Variants in DHRS7B observed in about 807,000 individuals in gnomAD.
DHRS7B encodes peroxisomal reductase activating PPAR-gamma.
DHRS7B carries 24 observed loss-of-function variants against 26.4 expected under a neutral mutation model. That is an observed-to-expected ratio of 0.91 (90% confidence interval 0.66 to 1.28). DHRS7B has a LOEUF of 1.28. Ranked by LOEUF, DHRS7B falls within the 50% of genes most tolerant of loss-of-function variation. The probability of loss-of-function intolerance (pLI) is 0.00; values close to 1 mark genes in which losing one functional copy is unlikely to be tolerated. For missense variants in DHRS7B, 368 were observed against 419.4 expected (o/e 0.88, Z 1.07); for synonymous variants, 142 against 166.4 (o/e 0.85, Z 1.13).
At chr17:21,155,069 A>G (rs1186816995) in intron 1 of DHRS7B, among the ~76,000 whole-genome samples, 3 of 152,224 alleles carry the variant, frequency 2.0e-5, no homozygotes, top group Non-Finnish European at 4.4e-5. Context: ...GAAGACAAAA[A>G]GAGGAGCAAA....
rs767684176 is a variant in DHRS7B, at chr17:21,188,873, G to A, written c.772+10G>A. On this transcript the variant is annotated intron_variant, in intron 6 of 6. Transcript: ENST00000395511. ...GGATCTAGGTATGGAGGTGAGGCCC[G>A]GTTTCTCTTTTCTCCTATGAAAATC... 1.4e-5 allele frequency: 23 copies of A among 1,613,988 alleles called. No individual in the cohort carries two copies. The East Asian group carries it at 2.7e-4, about 19-fold the overall frequency.
At position 21,140,022 on chromosome 17, in the gene DHRS7B, C is replaced by CTTTTTTTTTTTTTTT. The variant is rs201900387; in HGVS notation, c.20+13037_20+13051dup. Among the ~76,000 whole-genome samples the CTTTTTTTTTTTTTTT allele has an allele frequency of 2.1e-4, 22 of 106,692 alleles. 1 individual carries two copies. The highest frequency in any genetic ancestry group is 2.9e-4 in the Non-Finnish European group (16 of 54,608). The allele number at this position is 106,692 out of a possible 152,430, so 70.0% of individuals were successfully genotyped here. On this transcript the variant is annotated intron_variant, in intron 1 of 6. Transcript: ENST00000395511. ...TTTTTTCCTATCAGACTTTCAGATT[C>CTTTTTTTTTTTTTTT]TTTTTTTTTTTTTTTTTTTTGAGAC...
intron 1 of DHRS7B, among the ~76,000 whole-genome samples, chr17:21,142,334 T>C (rs768689721): frequency 2.6e-5 from 4 of 152,148 alleles, no homozygotes; most frequent in Non-Finnish European, 4.4e-5. Flanking sequence ...AGTTGCTAGG[T>C]CAGGGGTCGA....
intron 5 of DHRS7B, among the ~76,000 whole-genome samples, chr17:21,187,209 A>C (rs1399795060): frequency 6.6e-6 from 1 of 151,598 alleles, no homozygotes; most frequent in Non-Finnish European, 1.5e-5. Context: ...TCCCACCAGC[A>C]CTTTGGGAGG....
intron 3 of DHRS7B, 43 bp downstream of exon 3, chr17:21,178,385 G>A (rs368561645): frequency 4.2e-4 from 637 of 1,517,826 alleles, no homozygotes; most frequent in Non-Finnish European, 5.3e-4. Context: ...AGTGCAGGCC[G>A]TCTTCTGTAG....
intron 1 of DHRS7B, among the ~76,000 whole-genome samples, chr17:21,169,689 G>A (rs933089926): frequency 1.3e-4 from 20 of 152,310 alleles, no homozygotes; most frequent in African/African-American, 4.3e-4. Flanking sequence ...CCATGACCTC[G>A]GTGGCACTGT....
intron 1 of DHRS7B, among the ~76,000 whole-genome samples, chr17:21,152,562 A>G (rs758548625): frequency 6.6e-6 from 1 of 152,176 alleles, no homozygotes; most frequent in Non-Finnish European, 1.5e-5. Flanking sequence ...TTTTACCTCC[A>G]AGAGTTCTAC....
chr17:21,138,075 A>AAAAAAAATAT (rs1238830544), intron 1 of DHRS7B, among the ~76,000 whole-genome samples: 3 of 33,224 alleles, frequency 9.0e-5, no homozygotes, highest in African/African-American at 4.2e-4. Context: ...TTAAAAAAAA[A>AAAAAAAATAT]ATATATATAT....
At chr17:21,129,823 A>G (rs1973191635) in intron 1 of DHRS7B, among the ~76,000 whole-genome samples, 1 of 152,138 alleles carries the variant, frequency 6.6e-6, no homozygotes, top group South Asian at 2.1e-4. Context: ...ACTTATTTGT[A>G]TGCAGCTGAG....
At chr17:21,155,689 T>C (rs889035302) in intron 1 of DHRS7B, among the ~76,000 whole-genome samples, 4 of 152,172 alleles carry the variant, frequency 2.6e-5, no homozygotes, top group South Asian at 2.1e-4. Context: ...CCCAAGTGAA[T>C]GAAACATTCA....
In DHRS7B at chr17:21,188,760, C is replaced by T. The variant is rs1050975713; in HGVS notation, c.669C>T (p.Ala223=). 3.5e-5 allele frequency: 57 copies of T among 1,612,802 alleles called. No individual in the cohort carries two copies. Among genetic ancestry groups the T allele is most frequent in the Middle Eastern group, 1.6e-4 (1 of 6,076 alleles). ...AGGCTTTCTTTGACTGTCTGCGTGC[C>T]GAGATGGAACAGTATGAAATTGAGG... ...ATQAFFDCLR[A]EMEQYEIEVT... is the part of the protein sequence containing the mutation. Residue 223 remains alanine (A), a synonymous_variant, in exon 6 of 7, where the codon GCC becomes GCT. Transcript: ENST00000395511.
At chr17:21,130,732 T>C (rs1229038418) in intron 1 of DHRS7B, among the ~76,000 whole-genome samples, 1 of 152,142 alleles carries the variant, frequency 6.6e-6, no homozygotes, top group Non-Finnish European at 1.5e-5. Flanking sequence ...TACAGTACAG[T>C]AAAATGTTGG....
At chr17:21,151,588 C>G (rs1205682065) in intron 1 of DHRS7B, among the ~76,000 whole-genome samples, 1 of 151,708 alleles carries the variant, frequency 6.6e-6, no homozygotes, top group South Asian at 2.1e-4. Context: ...ATCAACTCTT[C>G]TTTGATACAT....
intron 2 of DHRS7B, among the ~76,000 whole-genome samples, chr17:21,174,268 G>C (rs368720068): frequency 6.6e-6 from 1 of 152,218 alleles, no homozygotes; most frequent in African/African-American, 2.4e-5. Flanking sequence ...TCAGTTTTCC[G>C]TGTTTCTCCT....
rs77188094 is a variant in DHRS7B, at chr17:21,143,582, A to C, written c.20+16591A>C. ...CAGCATTTTGTAATATATAAAAAGC[A>C]CCTGAAAGGAGCATAGTTCCTCTCT... On this transcript the variant is annotated intron_variant, in intron 1 of 6. Transcript: ENST00000395511. 2.2e-4 allele frequency among the ~76,000 whole-genome samples: 34 copies of C among 152,384 alleles called. 1 individual carries two copies. The East Asian group carries it at 6.5e-3, about 29-fold the overall frequency.
chr17:21,191,320 C>A lies in DHRS7B; in HGVS notation c.*167C>A. The A allele has an allele frequency of 1.5e-6, 1 of 673,868 alleles. No homozygotes were observed. Among genetic ancestry groups the A allele is most frequent in the Non-Finnish European group, 2.5e-6 (1 of 402,610 alleles). 41.7% of individuals were successfully genotyped at this position (673,868 alleles called of 1,614,324 possible). A position where few individuals can be genotyped will look rare whatever the true frequency, so the allele number is the denominator to read the frequency against. ...TCTGCTGGCAGAGGACAATCAAAAA[C>A]GACAACAAGCTTCTTCCCAGGGTGA... On this transcript the variant is annotated 3_prime_UTR_variant, in exon 7 of 7. Coordinates refer to ENST00000395511, the MANE Select transcript of DHRS7B (RefSeq NM_015510.5).
intron 4 of DHRS7B, 47 bp from the exon 5 acceptor site, chr17:21,184,324 A>G: frequency 2.6e-6 from 4 of 1,534,146 alleles, no homozygotes; most frequent in Non-Finnish European, 3.6e-6. Flanking sequence ...ATCGGGTGCA[A>G]TGACTGGAAG....
intron 1 of DHRS7B, among the ~76,000 whole-genome samples, chr17:21,137,709 G>A (rs1396488234): frequency 2.0e-5 from 3 of 151,694 alleles, no homozygotes; most frequent in Non-Finnish European, 2.9e-5. Context: ...CGACTGCCTC[G>A]GCCTCCCAAA....
intron 1 of DHRS7B, among the ~76,000 whole-genome samples, chr17:21,147,412 A>G (rs964355995): frequency 2.6e-5 from 4 of 152,214 alleles, no homozygotes; most frequent in African/African-American, 9.6e-5. Context: ...ACATAGAAGC[A>G]AGCTGACTTC....
Sources: allele counts gnomAD v4.1 joint callset (sites outside exome capture counted in the v4.1 genomes callset), GRCh38; gene constraint gnomAD v4.1.1; transcripts MANE v1.5; gene names NCBI Gene and HGNC (gene_info 2026-07-23, HGNC 2026-07-21).